EYS: variants seen among roughly 807,000 people sequenced by gnomAD.
EYS encodes the protein protein eyes shut homolog.
A neutral mutation model predicts 282.1 loss-of-function variants in EYS; 250 were observed. The observed-to-expected ratio is 0.89, with a 90% confidence interval of 0.80 to 0.98. The LOEUF (loss-of-function observed/expected upper bound fraction) is 0.98, where lower values mean the gene tolerates loss of function less well. Among genes scored for constraint, EYS ranks in the 50% least tolerant of loss-of-function variants. The probability of loss-of-function intolerance (pLI) is 0.00; values close to 1 mark genes in which losing one functional copy is unlikely to be tolerated. For synonymous variants in EYS, 1,355 were observed against 1,282.9 expected, an observed-to-expected ratio of 1.06 and a Z score of -1.20; for missense variants, 4,016 against 3,709.0, an observed-to-expected ratio of 1.08 and a Z score of -2.15.
At chr6:64,408,763 T>G (rs886346425) in intron 28 of EYS, among the ~76,000 whole-genome samples, 1 of 152,214 alleles carries the variant, frequency 6.6e-6, no homozygotes, top group African/African-American at 2.4e-5. Context: ...CTTTTGTTTT[T>G]TCTTCCAACT....
At chr6:63,970,974 C>T (rs1448346086) in intron 35 of EYS, among the ~76,000 whole-genome samples, 2 of 152,044 alleles carry the variant, frequency 1.3e-5, no homozygotes, top group East Asian at 1.9e-4. Context: ...ATTTAAAGAA[C>T]GTTTGAGAAG....
At chr6:65,487,836 T>A (rs1317339212) in intron 5 of EYS, among the ~76,000 whole-genome samples, 1 of 152,146 alleles carries the variant, frequency 6.6e-6, no homozygotes, top group African/African-American at 2.4e-5. Flanking sequence ...CTATTAATTA[T>A]TGCCTCAATT....
chr6:64,362,138 GA>G (rs1463202839), intron 29 of EYS, among the ~76,000 whole-genome samples: 6 of 151,716 alleles, frequency 4.0e-5, no homozygotes, highest in Non-Finnish European at 8.8e-5. Flanking sequence ...TAATTTTATA[GA>G]AAAGCTTCAG....
rs1390895796 is a variant in EYS, at chr6:64,729,234, T to C, written c.3443+84144A>G. 2.6e-5 allele frequency among the ~76,000 whole-genome samples: 4 copies of C among 152,318 alleles called. No individual in the cohort carries two copies. The East Asian group carries it at 7.7e-4, about 29-fold the overall frequency. ...CTCTTCTGCCCAGAATTTCCCTGCC[T>C]CCTATCCTTATCACTACTAAGGCTG... On this transcript the variant is annotated intron_variant, in intron 22 of 42. Coordinates refer to ENST00000503581, the MANE Select transcript of EYS (RefSeq NM_001142800.2).
chr6:65,625,872 AAAT>A lies in EYS; in HGVS notation c.-333+13903_-333+13905del, dbSNP rs756822847. Among the ~76,000 whole-genome samples, 4 of 152,334 alleles carry A rather than the reference AAAT, an allele frequency of 2.6e-5. No individual in the cohort carries two copies. In the East Asian group the frequency reaches 5.8e-4, roughly 22 times the overall value. ...GTTAAATGTAACAATTGTCTATCTAAAATTGCTCTTGGAATTCTACATCGCAAT... is the reference window on the plus strand; with the variant it reads ...GTTAAATGTAACAATTGTCTATCTAATGCTCTTGGAATTCTACATCGCAAT... On this transcript the variant is annotated intron_variant, in intron 2 of 42. Coordinates refer to ENST00000503581, the MANE Select transcript of EYS (RefSeq NM_001142800.2).
At chr6:64,957,969 T>C (rs2150103775) in intron 14 of EYS, among the ~76,000 whole-genome samples, 1 of 152,242 alleles carries the variant, frequency 6.6e-6, no homozygotes, top group African/African-American at 2.4e-5. Flanking sequence ...TAAAGAAACG[T>C]TCAACTGTAT....
At chr6:65,219,292 A>G (rs978531453) in intron 12 of EYS, among the ~76,000 whole-genome samples, 2 of 152,186 alleles carry the variant, frequency 1.3e-5, no homozygotes, top group African/African-American at 4.8e-5. Context: ...GATTAAAACA[A>G]TGGTTCCAAA....
intron 4 of EYS, among the ~76,000 whole-genome samples, chr6:65,492,578 C>T (rs1766089329): frequency 6.6e-6 from 1 of 152,154 alleles, no homozygotes; most frequent in South Asian, 2.1e-4. Flanking sequence ...AAAATGGATG[C>T]TTTAAAGACT....
intron 22 of EYS, among the ~76,000 whole-genome samples, chr6:64,757,745 TG>T: frequency 2.0e-4 from 1 of 4,894 alleles, no homozygotes; most frequent in African/African-American, 1.1e-3. Context: ...TTTTTTTCTT[TG>T]TGTGTGTGTG....
intron 31 of EYS, among the ~76,000 whole-genome samples, chr6:64,153,073 C>G (rs183448778): frequency 5.0e-4 from 76 of 152,214 alleles, no homozygotes; most frequent in Admixed American, 1.7e-3. Context: ...AATAACTGTG[C>G]TATGCCAGGT....
intron 32 of EYS, among the ~76,000 whole-genome samples, chr6:64,081,043 C>CT (rs1015391389): frequency 4.7e-4 from 72 of 151,938 alleles, no homozygotes; most frequent in African/African-American, 1.7e-3. Flanking sequence ...AATGTGGGCT[C>CT]TTTTTTGGTT....
intron 40 of EYS, 27 bp downstream of exon 40, chr6:63,777,978 CT>C: frequency 6.5e-7 from 1 of 1,549,172 alleles, no homozygotes; most frequent in Non-Finnish European, 8.7e-7. Context: ...CAACCTGCTA[CT>C]TTCATTCCTA....
intron 15 of EYS, among the ~76,000 whole-genome samples, chr6:64,941,326 G>A (rs1423047991): frequency 6.6e-6 from 1 of 152,010 alleles, no homozygotes; most frequent in African/African-American, 2.4e-5. Flanking sequence ...GTTGCAGTGA[G>A]CCAAGATCAT....
At chr6:65,561,351 G>A (rs1769050366) in intron 2 of EYS, among the ~76,000 whole-genome samples, 2 of 152,142 alleles carry the variant, frequency 1.3e-5, no homozygotes, top group Admixed American at 1.3e-4. Context: ...CCAATTAGCT[G>A]AAGAGACTTC....
intron 34 of EYS, among the ~76,000 whole-genome samples, chr6:63,997,435 A>G (rs1767885246): frequency 6.6e-6 from 1 of 152,222 alleles, no homozygotes; most frequent in African/African-American, 2.4e-5. Flanking sequence ...AGAAGGTAGC[A>G]GTGATTCACC....
At chr6:64,266,147 C>T (rs1767752856) in intron 30 of EYS, among the ~76,000 whole-genome samples, 1 of 152,058 alleles carries the variant, frequency 6.6e-6, no homozygotes, top group Admixed American at 6.6e-5. Flanking sequence ...CTAAGACAAT[C>T]AGCTTGCATT....
intron 19 of EYS, among the ~76,000 whole-genome samples, chr6:64,843,331 C>A (rs1340951086): frequency 1.3e-5 from 2 of 152,158 alleles, no homozygotes; most frequent in Non-Finnish European, 2.9e-5. Context: ...GGTAGATCCA[C>A]TGACAGCTTG....
chr6:64,955,747 G>A (rs552202867), intron 14 of EYS, among the ~76,000 whole-genome samples: 3 of 152,228 alleles, frequency 2.0e-5, no homozygotes, highest in Non-Finnish European at 2.9e-5. Context: ...CAACGTCCCC[G>A]GGGGAGCGGG....
intron 13 of EYS, among the ~76,000 whole-genome samples, chr6:65,051,061 A>G (rs972099677): frequency 5.3e-5 from 8 of 151,528 alleles, no homozygotes; most frequent in African/African-American, 1.9e-4. Flanking sequence ...CTCAAACATT[A>G]TTTTCATTTT....
Sources: gnomAD v4.1 joint callset for allele counts (sites outside exome capture counted in the v4.1 genomes callset) on GRCh38, gnomAD v4.1.1 for gene constraint, MANE v1.5 for transcripts, NCBI Gene and HGNC (gene_info 2026-07-23, HGNC 2026-07-21) for gene names.